MCTP2: variants seen among roughly 807,000 people sequenced by gnomAD.
The protein encoded by MCTP2 is multiple C2 and transmembrane domain-containing protein 2.
MCTP2 carries 132 observed loss-of-function variants against 111.6 expected under a neutral mutation model. The observed-to-expected ratio is 1.18, with a 90% CI of 1.03 to 1.37. MCTP2 has a LOEUF of 1.37. MCTP2 is among the 40% of genes most tolerant of loss of function. The probability of loss-of-function intolerance (pLI) is 0.00; values close to 1 mark genes in which losing one functional copy is unlikely to be tolerated. For missense variants in MCTP2, 1,183 were observed against 1,067.9 expected, an observed-to-expected ratio of 1.11 and a Z score of -1.50; for synonymous variants, 395 against 387.7, an observed-to-expected ratio of 1.02 and a Z score of -0.22.
At position 94,356,217 on chromosome 15, in the gene MCTP2, G is replaced by T; in HGVS notation, c.1086G>T (p.Leu362Phe). ...GGAACGGGATTATAAGTATAACTTTGTTGGAAGGGAAGAATGTCTCAGGAG... is the reference window on the plus strand; with the variant it reads ...GGAACGGGATTATAAGTATAACTTTTTTGGAAGGGAAGAATGTCTCAGGAG... ...QLWNGIISIT[L>F]LEGKNVSGGS... Residue 362 changes from leucine to phenylalanine, a missense_variant, in exon 9 of 23, where the codon TTG (leucine) becomes TTT (phenylalanine). Leu to Phe is a conservative substitution (Grantham distance 22). Transcript: ENST00000357742. 5 of 1,613,534 alleles carry T rather than the reference G, an allele frequency of 3.1e-6. No homozygotes were observed. The highest frequency in any genetic ancestry group is 4.2e-6 in the Non-Finnish European group (5 of 1,179,692).
intron 17 of MCTP2, 44 bp downstream of exon 17, chr15:94,402,063 C>T: frequency 6.3e-7 from 1 of 1,595,776 alleles, no homozygotes; most frequent in Non-Finnish European, 8.5e-7. Flanking sequence ...TTCTTATTTG[C>T]ATCTATTCAT....
intron 8 of MCTP2, among the ~76,000 whole-genome samples, chr15:94,355,074 G>A (rs1039987870): frequency 2.6e-5 from 4 of 151,496 alleles, no homozygotes; most frequent in Admixed American, 6.6e-5. Context: ...TGCAGCGTGT[G>A]GATCATGTGG....
At chr15:94,358,353 G>A in intron 9 of MCTP2, 129 bp from the exon 10 acceptor site, 1 of 795,906 alleles carries the variant, frequency 1.3e-6, no homozygotes, top group South Asian at 2.2e-5. Flanking sequence ...AAAAAAAGAA[G>A]TTTACCTTTA....
At chr15:94,352,001 C>T (rs1346390317) in intron 8 of MCTP2, among the ~76,000 whole-genome samples, 6 of 152,200 alleles carry the variant, frequency 3.9e-5, no homozygotes, top group Admixed American at 3.9e-4. Flanking sequence ...CCTCAGTTTC[C>T]TCTGCAGCCA....
intron 12 of MCTP2, among the ~76,000 whole-genome samples, chr15:94,378,617 A>T (rs1275159158): frequency 6.6e-6 from 1 of 152,232 alleles, no homozygotes; most frequent in Non-Finnish European, 1.5e-5. Context: ...TCAGAAATTA[A>T]GATAAATAAC....
intron 19 of MCTP2, among the ~76,000 whole-genome samples, chr15:94,448,833 C>T (rs2084274312): frequency 6.6e-6 from 1 of 152,050 alleles, no homozygotes; most frequent in Non-Finnish European, 1.5e-5. Flanking sequence ...AAAAATAAAT[C>T]TGATTGAGAC....
intron 14 of MCTP2, among the ~76,000 whole-genome samples, chr15:94,386,631 G>C (rs959862362): frequency 2.5e-4 from 38 of 152,074 alleles, no homozygotes; most frequent in African/African-American, 8.9e-4. Flanking sequence ...GGCAATTTGG[G>C]ATTTCCCCCC....
chr15:94,381,259 A>G (rs2080121090), intron 12 of MCTP2, among the ~76,000 whole-genome samples: 2 of 152,246 alleles, frequency 1.3e-5, no homozygotes, highest in Non-Finnish European at 2.9e-5. Context: ...AGAGAAATCA[A>G]TCCATAAAAT....
chr15:94,358,094 A>G (rs2078727441), intron 9 of MCTP2, among the ~76,000 whole-genome samples: 1 of 152,250 alleles, frequency 6.6e-6, no homozygotes, highest in Admixed American at 6.5e-5. Context: ...CTAGCATTGA[A>G]TGGATATGCC....
chr15:94,339,517 C>T (rs572717088), intron 5 of MCTP2, 85 bp downstream of exon 5: 2 of 1,055,086 alleles, frequency 1.9e-6, no homozygotes, highest in Admixed American at 2.6e-5. Flanking sequence ...GTGAACTTGC[C>T]AAAATTAATT....
At chr15:94,241,792 A>C (rs1463834147) in intron 1 of MCTP2, among the ~76,000 whole-genome samples, 3 of 152,130 alleles carry the variant, frequency 2.0e-5, no homozygotes, top group Non-Finnish European at 4.4e-5. Context: ...ACTTTAAAAA[A>C]AAAAAGTTAC....
chr15:94,248,760 CAGTG>C (rs568704563), intron 1 of MCTP2, among the ~76,000 whole-genome samples: 48 of 152,290 alleles, frequency 3.2e-4, no homozygotes, highest in African/African-American at 9.1e-4. Flanking sequence ...CCAAAACAGA[CAGTG>C]AGGCTTTGCA....
chr15:94,243,640 CATAT>C (rs138847381), intron 1 of MCTP2, among the ~76,000 whole-genome samples: 2 of 148,458 alleles, frequency 1.3e-5, no homozygotes, highest in Admixed American at 6.7e-5. Context: ...TGCGTATATA[CATAT>C]ATATGTATAC....
At chr15:94,288,549 C>A (rs745676396) in intron 1 of MCTP2, among the ~76,000 whole-genome samples, 32 of 152,274 alleles carry the variant, frequency 2.1e-4, no homozygotes, top group Non-Finnish European at 4.1e-4. Flanking sequence ...TAGAAGCTAA[C>A]CAGATCAAGT....
chr15:94,467,346 A>AG (rs1490054259), intron 20 of MCTP2, among the ~76,000 whole-genome samples: 3 of 152,208 alleles, frequency 2.0e-5, no homozygotes, highest in Non-Finnish European at 2.9e-5. Flanking sequence ...CACTTTAAAA[A>AG]AAATTTGAAA....
chr15:94,294,922 T>G (rs1006848280), intron 1 of MCTP2, among the ~76,000 whole-genome samples: 2 of 149,632 alleles, frequency 1.3e-5, no homozygotes, highest in African/African-American at 4.9e-5. Context: ...TTTTTTCTCT[T>G]TATTTTTCTT....
chr15:94,281,363 T>C (rs1052483188), intron 1 of MCTP2, among the ~76,000 whole-genome samples: 1 of 152,098 alleles, frequency 6.6e-6, no homozygotes, highest in Non-Finnish European at 1.5e-5. Context: ...CTGTTTTGTC[T>C]GGAAAAAAAT....
intron 1 of MCTP2, among the ~76,000 whole-genome samples, chr15:94,289,692 A>G (rs1439279884): frequency 1.3e-5 from 2 of 152,224 alleles, no homozygotes; most frequent in African/African-American, 2.4e-5. Context: ...GATGTAATAT[A>G]TAAGACAACT....
chr15:94,329,652 C>A (rs908821194), intron 4 of MCTP2, among the ~76,000 whole-genome samples: 3 of 152,036 alleles, frequency 2.0e-5, no homozygotes, highest in African/African-American at 7.2e-5. Flanking sequence ...CCACCATGAC[C>A]GGATGACCTC....
Sources: allele counts gnomAD v4.1 joint callset (sites outside exome capture counted in the v4.1 genomes callset), GRCh38; gene constraint gnomAD v4.1.1; transcripts MANE v1.5; gene names NCBI Gene and HGNC (gene_info 2026-07-23, HGNC 2026-07-21).